Variants in ZC3H12B observed in about 807,000 individuals in gnomAD.
The protein encoded by ZC3H12B is probable ribonuclease ZC3H12B.
In ZC3H12B, 7 loss-of-function variants were observed where a neutral mutation model predicts 43.9. The observed-to-expected ratio is 0.16, with a 90% CI of 0.09 to 0.30. The LOEUF is 0.30. Ranked by LOEUF, ZC3H12B falls within the 10% of genes least tolerant of loss-of-function variation. ZC3H12B has a pLI of 1.00. For synonymous variants in ZC3H12B, 222 were observed against 241.7 expected, an observed-to-expected ratio of 0.92 and a Z score of 0.76; for missense variants, 475 against 670.2, an observed-to-expected ratio of 0.71 and a Z score of 3.22.
At chrX:65,384,038 TA>T (rs1345037873) in intron 2 of ZC3H12B, among the ~76,000 whole-genome samples, 2 of 99,365 alleles carry the variant, frequency 2.0e-5, no homozygotes, top group Non-Finnish European at 4.1e-5. Flanking sequence ...CAAAGGACTA[TA>T]AATCATGCTG....
the ZC3H12B span, among the ~76,000 whole-genome samples, chrX:65,204,308 A>G: frequency 2.7e-5 from 3 of 112,064 alleles, no homozygotes; most frequent in Non-Finnish European, 5.6e-5. Flanking sequence ...CTATTCAGCC[A>G]TCTAGCTCTG....
At chrX:65,490,001 A>G (rs981965715) in intron 1 of ZC3H12B, among the ~76,000 whole-genome samples, 1 of 111,893 alleles carries the variant, frequency 8.9e-6, no homozygotes, top group Admixed American at 9.5e-5. Flanking sequence ...CATAGCCTTC[A>G]GAATGCACCA....
At chrX:65,460,629 A>G (rs1328755919) in intron 3 of ZC3H12B, among the ~76,000 whole-genome samples, 1 of 112,225 alleles carries the variant, frequency 8.9e-6, no homozygotes, top group Non-Finnish European at 1.9e-5. Flanking sequence ...TATTGAATAA[A>G]TGGTGCTGGG....
the ZC3H12B span, among the ~76,000 whole-genome samples, chrX:65,036,515 C>T: frequency 9.0e-6 from 1 of 111,139 alleles, no homozygotes; most frequent in African/African-American, 3.3e-5. Flanking sequence ...CTGTCAAGAC[C>T]GCAAACTTTG....
the ZC3H12B span, among the ~76,000 whole-genome samples, chrX:65,194,912 A>G: frequency 8.9e-6 from 1 of 112,124 alleles, no homozygotes; most frequent in African/African-American, 3.2e-5. Flanking sequence ...CTTCATCATT[A>G]TATAGTGACC....
At chrX:65,423,517 C>T (rs1314466883) in intron 3 of ZC3H12B, among the ~76,000 whole-genome samples, 7 of 112,324 alleles carry the variant, frequency 6.2e-5, no homozygotes, top group African/African-American at 2.3e-4. Flanking sequence ...TCTCCAGCAT[C>T]TGTTGTTTCC....
the ZC3H12B span, among the ~76,000 whole-genome samples, chrX:65,134,727 G>C: frequency 1.8e-5 from 2 of 111,464 alleles, no homozygotes; most frequent in Admixed American, 1.9e-4. Context: ...ACGTGCGTCC[G>C]TGTGAAGAGA....
chrX:65,247,983 A>G, the ZC3H12B span, among the ~76,000 whole-genome samples: 1 of 112,233 alleles, frequency 8.9e-6, no homozygotes, highest in South Asian at 3.6e-4. Flanking sequence ...AATATGTTTG[A>G]AAATTGACAA....
chrX:65,186,681 C>G, the ZC3H12B span: 2 of 110,605 alleles, frequency 1.8e-5, no homozygotes, highest in African/African-American at 6.6e-5. Context: ...TTACCCCTCA[C>G]CACCCTCTAC....
At chrX:65,343,111 A>T in the ZC3H12B span, among the ~76,000 whole-genome samples, 24 of 111,176 alleles carry the variant, frequency 2.2e-4, no homozygotes, top group African/African-American at 7.8e-4. Flanking sequence ...CCAAAACTGA[A>T]CCTGGGAGAA....
At chrX:65,253,993 C>T in the ZC3H12B span, among the ~76,000 whole-genome samples, 2 of 111,851 alleles carry the variant, frequency 1.8e-5, no homozygotes, top group African/African-American at 6.5e-5. Context: ...TGCACCCTGC[C>T]CTACCCCACT....
At chrX:65,381,958 A>G (rs759416882) in intron 2 of ZC3H12B, among the ~76,000 whole-genome samples, 99 of 111,895 alleles carry the variant, frequency 8.8e-4, no homozygotes, top group African/African-American at 3.0e-3. Flanking sequence ...TGTGGCAATA[A>G]TCAATACTTA....
chrX:65,243,678 A>T, the ZC3H12B span, among the ~76,000 whole-genome samples: 1 of 112,642 alleles, frequency 8.9e-6, no homozygotes, highest in South Asian at 3.6e-4. Flanking sequence ...TTCTATGTTT[A>T]TTGCAGCACT....
At chrX:65,156,479 C>G in the ZC3H12B span, among the ~76,000 whole-genome samples, 1 of 111,630 alleles carries the variant, frequency 9.0e-6, no homozygotes, top group Non-Finnish European at 1.9e-5. Flanking sequence ...CTCTGGGGCT[C>G]AAGTGATTCT....
chrX:65,233,105 A>G, the ZC3H12B span, among the ~76,000 whole-genome samples: 91 of 112,319 alleles, frequency 8.1e-4, no homozygotes, highest in Middle Eastern at 0.023. Flanking sequence ...AGCAAATATT[A>G]TCTATGCTAA....
the ZC3H12B span, among the ~76,000 whole-genome samples, chrX:65,171,157 C>T: frequency 9.0e-6 from 1 of 111,017 alleles, no homozygotes; most frequent in Non-Finnish European, 1.9e-5. Flanking sequence ...CTTGGTTTCT[C>T]CTCATCTTTG....
chrX:65,387,524 C>G (rs964526933), intron 2 of ZC3H12B, among the ~76,000 whole-genome samples: 1 of 111,794 alleles, frequency 8.9e-6, no homozygotes, highest in Non-Finnish European at 1.9e-5. Context: ...TATTTTGAGC[C>G]TATGTGTGTC....
At chrX:65,135,839 C>T in the ZC3H12B span, among the ~76,000 whole-genome samples, 1 of 104,080 alleles carries the variant, frequency 9.6e-6, no homozygotes, top group Non-Finnish European at 2.0e-5. Flanking sequence ...TTGAGCACAT[C>T]CATTGGCCTT....
the ZC3H12B span, among the ~76,000 whole-genome samples, chrX:65,166,157 T>C: frequency 9.0e-6 from 1 of 111,143 alleles, no homozygotes; most frequent in South Asian, 3.8e-4. Flanking sequence ...TAACTCATCA[T>C]TTACATTAGG....
Sources: gnomAD v4.1 joint callset for allele counts (sites outside exome capture counted in the v4.1 genomes callset) on GRCh38, gnomAD v4.1.1 for gene constraint, MANE v1.5 for transcripts, NCBI Gene and HGNC (gene_info 2026-07-23, HGNC 2026-07-21) for gene names.